The following CPEB1 variants were observed in gnomAD, a reference collection of about 807,000 sequenced individuals.
The protein encoded by CPEB1 is cytoplasmic polyadenylation element-binding protein 1.
CPEB1 carries 7 observed loss-of-function variants against 65.8 expected under a neutral mutation model. The ratio of observed to expected loss-of-function variants is 0.11; its 90% confidence interval spans 0.06 to 0.20. The LOEUF (loss-of-function observed/expected upper bound fraction) is 0.20. Ranked by LOEUF, CPEB1 falls within the 10% of genes least tolerant of loss-of-function variation. The pLI is 1.00. For missense variants in CPEB1, 551 were observed against 712.2 expected, an observed-to-expected ratio of 0.77 and a Z score of 2.58; for synonymous variants, 262 against 260.0, an observed-to-expected ratio of 1.01 and a Z score of -0.08.
rs2037512883 is a variant in CPEB1 at position 82,557,928 on chromosome 15, G to A, written c.519C>T (p.Phe173=). The change falls in exon 5 of 13, where the codon TTC becomes TTT. Residue 173 remains phenylalanine, a synonymous_variant. Transcript: ENST00000684509. ...CAGACCCAAGGGGATCCAGAGGCAGGAAGCTCAAGGGGGGTTTTCCTAGGA... is the reference window on the plus strand; with the variant it reads ...CAGACCCAAGGGGATCCAGAGGCAGAAAGCTCAAGGGGGGTTTTCCTAGGA... ...GNVLGKPPLS[F]LPLDPLGSDL... 2 of 1,613,948 alleles carry A rather than the reference G, an allele frequency of 1.2e-6. No individual in the cohort carries two copies. The highest frequency in any genetic ancestry group is 1.3e-5 in the African/African-American group (1 of 74,914).
At chr15:82,555,815 C>T in intron 6 of CPEB1, 55 bp downstream of exon 6, 1 of 1,571,152 alleles carries the variant, frequency 6.4e-7, no homozygotes, top group Non-Finnish European at 8.6e-7. Context: ...AGGTCACTTC[C>T]TCTCTGCTCC....
intron 4 of CPEB1, chr15:82,562,032 G>A (rs2038307231): frequency 2.8e-6 from 1 of 357,980 alleles, no homozygotes; most frequent in Admixed American, 3.8e-5. Context: ...CTAAGAAGTG[G>A]CTGTTACTAC....
intron 1 of CPEB1, among the ~76,000 whole-genome samples, chr15:82,645,726 C>T (rs1883850062): frequency 6.6e-6 from 1 of 151,826 alleles, no homozygotes; most frequent in African/African-American, 2.4e-5. Context: ...AAATCAGCCG[C>T]GCGTGGTGGC....
intron 4 of CPEB1, among the ~76,000 whole-genome samples, chr15:82,566,918 T>C (rs1346362707): frequency 6.6e-6 from 1 of 152,064 alleles, no homozygotes; most frequent in Non-Finnish European, 1.5e-5. Flanking sequence ...GAAGAATCTG[T>C]CCATCCAGCT....
intron 1 of CPEB1, among the ~76,000 whole-genome samples, chr15:82,634,285 AT>A (rs2046485785): frequency 6.6e-6 from 1 of 152,038 alleles, no homozygotes; most frequent in African/African-American, 2.4e-5. Context: ...AGATCCCCAA[AT>A]TTTATATTTA....
chr15:82,605,268 C>CA (rs1481293720), intron 3 of CPEB1, among the ~76,000 whole-genome samples: 3 of 152,148 alleles, frequency 2.0e-5, no homozygotes, highest in African/African-American at 7.2e-5. Context: ...GAATGCTAGA[C>CA]AGTTACTTTA....
At chr15:82,545,281 C>A (rs867336551) in intron 12 of CPEB1, among the ~76,000 whole-genome samples, 3 of 152,320 alleles carry the variant, frequency 2.0e-5, no homozygotes, top group Middle Eastern at 6.8e-3. Context: ...CAGAGAGATA[C>A]TTGGTCTCAG....
At chr15:82,580,541 C>T (rs1268525635) in intron 3 of CPEB1, among the ~76,000 whole-genome samples, 1 of 151,754 alleles carries the variant, frequency 6.6e-6, no homozygotes, top group Non-Finnish European at 1.5e-5. Flanking sequence ...TGAAATTTAC[C>T]ACTCTAACCA....
chr15:82,557,470 G>A (rs2037423588), intron 5 of CPEB1: 6 of 373,814 alleles, frequency 1.6e-5, no homozygotes, highest in Non-Finnish European at 2.9e-5. Context: ...GGGCCCTCAC[G>A]TTTACTTTTG....
In CPEB1 at chr15:82,544,561, C is replaced by T. The variant is rs1346335759; in HGVS notation, c.*31G>A. 37 of 1,559,594 alleles carry T rather than the reference C, an allele frequency of 2.4e-5. No homozygotes were observed. The highest frequency in any genetic ancestry group is 1.1e-4 in the East Asian group (5 of 44,404). On this transcript the variant is annotated 3_prime_UTR_variant, in exon 13 of 13. Transcript: ENST00000684509. Reference sequence around the variant, plus strand: ...GCTTGCCTGACCTGCCAGCTTTGGGCGCCACAGGCCACTGGGCAAGGCCAG... The same window carrying T: ...GCTTGCCTGACCTGCCAGCTTTGGGTGCCACAGGCCACTGGGCAAGGCCAG...
At chr15:82,622,390 A>G (rs2045378245) in intron 3 of CPEB1, among the ~76,000 whole-genome samples, 1 of 151,918 alleles carries the variant, frequency 6.6e-6, no homozygotes. Flanking sequence ...CAGATGCTCC[A>G]GCTACTCTTT....
rs182522267 is a variant in CPEB1 at position 82,629,206 on chromosome 15, A to G, written c.-97-650T>C. ...CTATCCCTCAGTTTCCCCATTTGTG[A>G]AATGGAAAAAGGATACCAACTTTTT... On this transcript the variant is annotated intron_variant, in intron 1 of 12. Transcript: ENST00000684509. 2,970 of 947,360 alleles carry G rather than the reference A, an allele frequency of 3.1e-3. 9 individuals are homozygous for G. The highest frequency in any genetic ancestry group is 3.4e-3 in the Non-Finnish European group (2,707 of 795,386). 58.7% of individuals were successfully genotyped at this position (947,360 alleles called of 1,614,324 possible).
intron 10 of CPEB1, 52 bp from the exon 11 acceptor site, chr15:82,547,289 C>CTTTTTTT (rs71156035): frequency 1.2e-4 from 45 of 390,384 alleles, no homozygotes; most frequent in African/African-American, 4.3e-4. Flanking sequence ...CCAAATGCTA[C>CTTTTTTT]TTTTTTTTTT....
At chr15:82,578,837 G>C (rs766936537) in intron 3 of CPEB1, among the ~76,000 whole-genome samples, 47 of 152,058 alleles carry the variant, frequency 3.1e-4, no homozygotes, top group Non-Finnish European at 5.3e-4. Flanking sequence ...TTTTTGTTTT[G>C]TTTTGTTTTT....
intron 3 of CPEB1, among the ~76,000 whole-genome samples, chr15:82,610,652 T>C (rs2044041021): frequency 6.6e-6 from 1 of 151,736 alleles, no homozygotes; most frequent in African/African-American, 2.4e-5. Flanking sequence ...TTCAATAAAC[T>C]AGGAATAGAA....
intron 7 of CPEB1, 25 bp downstream of exon 7, chr15:82,553,853 A>G (rs1425880526): frequency 6.7e-7 from 1 of 1,484,898 alleles, no homozygotes; most frequent in Admixed American, 1.7e-5. Context: ...TTCAACTCTT[A>G]AAGCAGGTCT....
chr15:82,606,529 C>T (rs1017391003), intron 3 of CPEB1, among the ~76,000 whole-genome samples: 1 of 114,008 alleles, frequency 8.8e-6, no homozygotes, highest in Non-Finnish European at 1.8e-5. Flanking sequence ...CTTAAAAATA[C>T]ATAGTAAGGC....
chr15:82,629,463 A>T (rs945154251), intron 1 of CPEB1: 10 of 978,246 alleles, frequency 1.0e-5, no homozygotes, highest in Admixed American at 6.2e-5. Context: ...TATATATATA[A>T]AAAATCATGA....
intron 1 of CPEB1, among the ~76,000 whole-genome samples, chr15:82,639,198 T>C (rs899210689): frequency 2.6e-5 from 4 of 152,176 alleles, no homozygotes; most frequent in Non-Finnish European, 5.9e-5. Context: ...CCAAGTTAAG[T>C]CCCTCCTGGT....
Sources: gnomAD v4.1 joint callset for allele counts (sites outside exome capture counted in the v4.1 genomes callset) on GRCh38, gnomAD v4.1.1 for gene constraint, MANE v1.5 for transcripts, NCBI Gene and HGNC (gene_info 2026-07-23, HGNC 2026-07-21) for gene names.